NSD2: variants seen among roughly 807,000 people sequenced by gnomAD.
NSD2 encodes the protein nuclear receptor binding SET domain protein 2, also known as histone-lysine N-methyltransferase NSD2.
NSD2 carries 12 observed loss-of-function variants against 139.0 expected under a neutral mutation model. That is an observed-to-expected ratio of 0.09 (90% CI 0.06 to 0.14). NSD2 has a LOEUF of 0.14. NSD2 is among the 10% of genes least tolerant of loss of function. NSD2 has a pLI of 1.00. For missense variants in NSD2, 1,155 were observed against 1,745.0 expected, an observed-to-expected ratio of 0.66 and a Z score of 6.02; for synonymous variants, 669 against 648.7, an observed-to-expected ratio of 1.03 and a Z score of -0.48.
At chr4:1,872,103 G>A (rs189343926) in intron 1 of NSD2, among the ~76,000 whole-genome samples, 2 of 152,114 alleles carry the variant, frequency 1.3e-5, no homozygotes, top group East Asian at 1.9e-4. Flanking sequence ...TGCAGGCGGT[G>A]TCTGGCGTTG....
chr4:1,935,842 C>CA (rs1421200875), intron 7 of NSD2, among the ~76,000 whole-genome samples: 1 of 151,868 alleles, frequency 6.6e-6, no homozygotes, highest in Admixed American at 6.6e-5. Flanking sequence ...GCCTGGGCGA[C>CA]ACAGCAAGAT....
intron 5 of NSD2, among the ~76,000 whole-genome samples, chr4:1,919,786 A>T (rs1286884478): frequency 6.6e-6 from 1 of 152,130 alleles, no homozygotes; most frequent in African/African-American, 2.4e-5. Flanking sequence ...ACAAAAAAAA[A>T]TTAGCTGGGC....
At chr4:1,874,887 G>A (rs902343308) in intron 1 of NSD2, among the ~76,000 whole-genome samples, 4 of 152,332 alleles carry the variant, frequency 2.6e-5, no homozygotes, top group South Asian at 4.1e-4. Flanking sequence ...TATTTACAGC[G>A]AGTACTTTGG....
intron 7 of NSD2, among the ~76,000 whole-genome samples, chr4:1,937,649 G>A (rs1438038938): frequency 6.6e-6 from 1 of 152,176 alleles, no homozygotes; most frequent in Non-Finnish European, 1.5e-5. Flanking sequence ...ACTGTCCCAA[G>A]TGCATTCTCC....
At chr4:1,953,650 C>A in intron 12 of NSD2, 126 bp downstream of exon 12, 1 of 1,230,264 alleles carries the variant, frequency 8.1e-7, no homozygotes, top group Non-Finnish European at 1.1e-6. Context: ...GAGTGACTAA[C>A]TGGACATCGG....
intron 9 of NSD2, chr4:1,946,342 A>G (rs992749839): frequency 5.2e-6 from 3 of 578,548 alleles, no homozygotes; most frequent in Non-Finnish European, 6.7e-6. Flanking sequence ...ATCTCGGCTC[A>G]CTGCAACCTC....
intron 3 of NSD2, among the ~76,000 whole-genome samples, chr4:1,916,047 C>T (rs1719343968): frequency 6.6e-6 from 1 of 152,138 alleles, no homozygotes; most frequent in Non-Finnish European, 1.5e-5. Flanking sequence ...GTGGCTTCTT[C>T]CTCTCAGCTA....
intron 1 of NSD2, among the ~76,000 whole-genome samples, chr4:1,893,383 T>C (rs1280024133): frequency 6.6e-6 from 1 of 152,158 alleles, no homozygotes; most frequent in East Asian, 1.9e-4. Flanking sequence ...GGCAGGAGAA[T>C]CACTTGAACC....
At chr4:1,883,662 C>T (rs567735327) in intron 1 of NSD2, among the ~76,000 whole-genome samples, 28 of 152,072 alleles carry the variant, frequency 1.8e-4, no homozygotes, top group South Asian at 1.0e-3. Flanking sequence ...GTACCTCCTC[C>T]GCTCTGCTGA....
intron 6 of NSD2, 87 bp from the exon 7 acceptor site, chr4:1,935,057 T>C: frequency 2.1e-6 from 2 of 956,318 alleles, no homozygotes; most frequent in Non-Finnish European, 3.1e-6. Context: ...ATCTGTATGT[T>C]GAATGCCCTG....
At chr4:1,960,766 C>T (rs1341950003) in intron 17 of NSD2, among the ~76,000 whole-genome samples, 1 of 152,226 alleles carries the variant, frequency 6.6e-6, no homozygotes, top group Non-Finnish European at 1.5e-5. Context: ...TATCAGACAG[C>T]GCTCCTGAGA....
Position 1,948,347 on chromosome 4 carries a change from T to G in NSD2, c.1882-2725T>G, listed in dbSNP as rs946201192. ...TTGTAGACTGAGATTTGGGACTATG[T>G]TGGGACCGTACAGGTGAATGTGCCA... On this transcript the variant is annotated intron_variant, in intron 9 of 21. Coordinates refer to ENST00000508803, the MANE Select transcript of NSD2 (RefSeq NM_001042424.3). This position sits in a 1 kb window ranked among gnomAD's most constrained non-coding sequence, Gnocchi z 4.5. 3.8e-6 allele frequency: 4 copies of G among 1,065,896 alleles called. No individual in the cohort carries two copies. Among genetic ancestry groups the G allele is most frequent in the Non-Finnish European group, 4.6e-6 (4 of 878,738 alleles). 66.0% of individuals were successfully genotyped at this position (1,065,896 alleles called of 1,614,324 possible). A position where few individuals can be genotyped will look rare whatever the true frequency, so the allele number is the denominator to read the frequency against.
In NSD2 at chr4:1,941,481, C is replaced by G. The variant is rs982929273; in HGVS notation, c.1881+1703C>G. ...TGCCCATGAGTCAGGGGAGCTCAGT[C>G]TCCCTGGCCTAGGCAGTTGTCCTGA... On this transcript the variant is annotated intron_variant, in intron 9 of 21. Coordinates refer to ENST00000508803, the MANE Select transcript of NSD2 (RefSeq NM_001042424.3). 6 of 1,047,206 alleles carry G rather than the reference C, an allele frequency of 5.7e-6. No individual in the cohort carries two copies. The African/African-American group carries it at 1.0e-4, about 17-fold the overall frequency. The allele number at this position is 1,047,206 out of a possible 1,614,324, so 64.9% of individuals were successfully genotyped here.
Position 1,951,458 on chromosome 4 carries a change from A to C in NSD2, c.2013+255A>C, listed in dbSNP as rs1351708271. On this transcript the variant is annotated intron_variant, in intron 10 of 21. Coordinates refer to ENST00000508803, the MANE Select transcript of NSD2 (RefSeq NM_001042424.3). Reference sequence around the variant, plus strand: ...CATCATGTAATACACACACACACACACACACACACACACACACACACACAC... The same window carrying C: ...CATCATGTAATACACACACACACACCCACACACACACACACACACACACAC... Among the ~76,000 whole-genome samples, 5 of 19,332 alleles carry C rather than the reference A, an allele frequency of 2.6e-4. 1 individual carries two copies. Among genetic ancestry groups the C allele is most frequent in the Admixed American group, 5.6e-4 (1 of 1,784 alleles). The allele number at this position is 19,332 out of a possible 152,430, so 12.7% of individuals were successfully genotyped here.
rs936915449 is a variant in NSD2 at position 1,981,895 on chromosome 4, C to A, written c.*2986C>A. On this transcript the variant is annotated 3_prime_UTR_variant, in exon 22 of 22. Transcript: ENST00000508803. ...ATGCTGTGTCCACGGGGTGTCACAGCCTCACCATACCCTGTTGAGGTGTGA... is the reference window on the plus strand; with the variant it reads ...ATGCTGTGTCCACGGGGTGTCACAGACTCACCATACCCTGTTGAGGTGTGA... 5.0e-6 allele frequency: 2 copies of A among 398,518 alleles called. No homozygotes were observed. The highest frequency in any genetic ancestry group is 1.3e-4 in the South Asian group (1 of 7,870). 24.7% of individuals were successfully genotyped at this position (398,518 alleles called of 1,614,324 possible). A position where few individuals can be genotyped will look rare whatever the true frequency, so the allele number is the denominator to read the frequency against.
intron 1 of NSD2, among the ~76,000 whole-genome samples, chr4:1,891,875 A>T (rs113266535): frequency 0.032 from 4,767 of 151,168 alleles, 187 homozygotes; most frequent in African/African-American, 0.098. Context: ...AAAAAAACAA[A>T]AAAAAACAAA....
intron 9 of NSD2, chr4:1,947,725 CT>C (rs1207137579): frequency 1.1e-5 from 12 of 1,052,770 alleles, no homozygotes; most frequent in Non-Finnish European, 1.4e-5. Context: ...CAGCTTCCTT[CT>C]TTACAAAACC....
Position 1,901,007 on chromosome 4 carries a change from A to T in NSD2, c.353A>T (p.Lys118Ile). Residue 118 changes from lysine (K) to isoleucine (I), a missense_variant, in exon 2 of 22, where the codon AAA (lysine) becomes ATA (isoleucine). This residue lies in a region of NSD2 where 246 missense variants were observed against 262.8 expected (regional missense o/e 0.94). Transcript: ENST00000508803. The part of the protein sequence containing the change: ...IGTPPNTTPI[K>I]NGSPEIKLKI... ...ACACCCCCTAACACTACCCCTATCA[A>T]AAATGGCTCTCCAGAAATTAAGCTG... The T allele has an allele frequency of 6.2e-7, 1 of 1,614,246 alleles. No individual in the cohort carries two copies. Among genetic ancestry groups the T allele is most frequent in the Non-Finnish European group, 8.5e-7 (1 of 1,180,056 alleles).
chr4:1,952,910 C>T (rs1724429205), intron 11 of NSD2: 9 of 1,397,742 alleles, frequency 6.4e-6, no homozygotes, highest in African/African-American at 1.4e-5. Flanking sequence ...CAGGCCATGG[C>T]AGCCCCACAG....
Sources: allele counts gnomAD v4.1 joint callset (sites outside exome capture counted in the v4.1 genomes callset), GRCh38; gene constraint gnomAD v4.1.1; regional missense constraint gnomAD v4.1.1; non-coding constraint Gnocchi (gnomAD v3.1); transcripts MANE v1.5; gene names NCBI Gene and HGNC (gene_info 2026-07-23, HGNC 2026-07-21).